Variants in TATDN1 observed in about 807,000 individuals in gnomAD.
TATDN1 encodes the protein TatD DNase domain containing 1.
TATDN1 carries 40 observed loss-of-function variants against 46.4 expected under a neutral mutation model. The ratio of observed to expected loss-of-function variants is 0.86; its 90% CI spans 0.67 to 1.12. The LOEUF is 1.12. TATDN1 is among the 50% of genes most tolerant of loss of function. TATDN1 has a pLI of 0.00. For missense variants in TATDN1, 326 were observed against 348.4 expected, an observed-to-expected ratio of 0.94 and a Z score of 0.51; for synonymous variants, 95 against 105.6, an observed-to-expected ratio of 0.90 and a Z score of 0.62.
intron 10 of TATDN1, chr8:124,495,192 G>C (rs1817360537): frequency 2.4e-6 from 1 of 422,122 alleles, no homozygotes; most frequent in Middle Eastern, 6.5e-4. Context: ...AAGACCCCTT[G>C]TTTAGCTAAG....
intron 9 of TATDN1, among the ~76,000 whole-genome samples, chr8:124,498,565 C>T (rs928484194): frequency 1.3e-5 from 2 of 152,030 alleles, no homozygotes; most frequent in East Asian, 1.9e-4. Context: ...CCAAAGCCCC[C>T]CTATTGGATT....
chr8:124,509,113 A>T (rs1024292470), intron 6 of TATDN1, among the ~76,000 whole-genome samples: 1 of 152,254 alleles, frequency 6.6e-6, no homozygotes, highest in Non-Finnish European at 1.5e-5. Context: ...CTCAAAAATG[A>T]AATCTAAGTA....
At chr8:124,514,801 C>T (rs866047571) in intron 6 of TATDN1, among the ~76,000 whole-genome samples, 3 of 152,198 alleles carry the variant, frequency 2.0e-5, no homozygotes, top group South Asian at 4.1e-4. Flanking sequence ...CCTGCAGGGT[C>T]GTGAGCTTTG....
Position 124,495,518 on chromosome 8 carries a change from C to A in TATDN1, c.618G>T (p.Leu206Phe). The A allele has an allele frequency of 6.2e-7, 1 of 1,605,328 alleles. No homozygotes were observed. The highest frequency in any genetic ancestry group is 1.7e-4 in the Middle Eastern group (1 of 6,038). ...CACTAGGAATTGACTTCAAAACTTC[C>A]AAATTAGCTTCAGTTTTCAGTGAGC... ...NGCSLKTEAN[L>F]EVLKSIPSEK... The change falls in exon 10 of 12, where the codon TTG (leucine) becomes TTT (phenylalanine). Residue 206 changes from leucine to phenylalanine, a missense_variant. Leu to Phe is a conservative substitution (Grantham distance 22, BLOSUM62 0). Coordinates refer to ENST00000276692, the MANE Select transcript of TATDN1 (RefSeq NM_032026.4).
chr8:124,530,451 G>T (rs1017229918), intron 1 of TATDN1, among the ~76,000 whole-genome samples: 1 of 152,212 alleles, frequency 6.6e-6, no homozygotes, highest in Non-Finnish European at 1.5e-5. Flanking sequence ...AAGACAGAGG[G>T]ACAATTGCAA....
chr8:124,488,615 TTTAATAG>T lies in TATDN1; in HGVS notation c.866_872del (p.Thr289LysfsTer23). ...CCAATTATATTCCAGGAAAAAATAC[TTTAATAG>T]TATTGTTATATAGTGTATTGGCTAA... is the stretch of plus-strand genomic sequence containing the variant. On this transcript the variant is annotated frameshift_variant, in exon 12 of 12. Transcript: ENST00000276692. LOFTEE classifies it high-confidence loss of function. 7 of 1,566,576 alleles carry T rather than the reference TTTAATAG, an allele frequency of 4.5e-6. No homozygotes were observed. Among genetic ancestry groups the T allele is most frequent in the Non-Finnish European group, 6.1e-6 (7 of 1,141,530 alleles).
At chr8:124,500,033 T>C (rs892712269) in intron 9 of TATDN1, among the ~76,000 whole-genome samples, 3 of 151,384 alleles carry the variant, frequency 2.0e-5, no homozygotes, top group Admixed American at 6.6e-5. Context: ...TTAGTAGAGA[T>C]GGGGTTTCAC....
chr8:124,509,950 T>TGG, intron 6 of TATDN1, among the ~76,000 whole-genome samples: 1 of 150,290 alleles, frequency 6.7e-6, no homozygotes. Context: ...GAGAATCTCT[T>TGG]GAACCCAGGG....
At chr8:124,521,563 A>G (rs1165621330) in intron 3 of TATDN1, 2 of 152,216 alleles carry the variant, frequency 1.3e-5, no homozygotes, top group African/African-American at 4.8e-5. Flanking sequence ...CAAGTTATTC[A>G]TCTTGGAGGT....
chr8:124,532,631 T>G (rs1821066690), intron 1 of TATDN1, among the ~76,000 whole-genome samples: 1 of 152,176 alleles, frequency 6.6e-6, no homozygotes, highest in Admixed American at 6.5e-5. Flanking sequence ...AAAATCCTCT[T>G]TGTTTCTAGA....
intron 11 of TATDN1, among the ~76,000 whole-genome samples, chr8:124,492,775 T>G (rs1441995171): frequency 7.0e-6 from 1 of 143,308 alleles, no homozygotes; most frequent in African/African-American, 2.6e-5. Context: ...AAAAAAAAGA[T>G]TTAGAAATAC....
intron 9 of TATDN1, among the ~76,000 whole-genome samples, chr8:124,498,401 A>G (rs1030507673): frequency 1.3e-4 from 20 of 150,740 alleles, no homozygotes; most frequent in African/African-American, 3.9e-4. Flanking sequence ...AGTTTTTTCA[A>G]TTTTCTTAAG....
intron 2 of TATDN1, among the ~76,000 whole-genome samples, 162 bp downstream of exon 2, chr8:124,522,775 G>A (rs1820161214): frequency 6.6e-6 from 1 of 152,084 alleles, no homozygotes; most frequent in Non-Finnish European, 1.5e-5. Context: ...GGCTGCTCTT[G>A]AACTCCTGAG....
chr8:124,525,173 T>G (rs1247615215), intron 1 of TATDN1, among the ~76,000 whole-genome samples: 1 of 151,788 alleles, frequency 6.6e-6, no homozygotes, highest in Non-Finnish European at 1.5e-5. Flanking sequence ...TAAGACAGAG[T>G]CTCACCCTAT....
At chr8:124,534,506 T>TG in intron 1 of TATDN1, among the ~76,000 whole-genome samples, 1 of 152,252 alleles carries the variant, frequency 6.6e-6, no homozygotes, top group Admixed American at 6.5e-5. Context: ...TAAGTAGAGA[T>TG]GGGGTCTCAC....
intron 9 of TATDN1, among the ~76,000 whole-genome samples, chr8:124,502,671 G>A (rs956233447): frequency 1.3e-5 from 2 of 152,050 alleles, no homozygotes; most frequent in African/African-American, 4.8e-5. Context: ...TGCAACTGAC[G>A]GAACTATTAG....
At chr8:124,526,348 T>C (rs1255292897) in intron 1 of TATDN1, among the ~76,000 whole-genome samples, 1 of 152,234 alleles carries the variant, frequency 6.6e-6, no homozygotes, top group African/African-American at 2.4e-5. Flanking sequence ...ATAGTATCTT[T>C]TAAATTAAAA....
At chr8:124,515,171 A>G (rs1819356055) in intron 6 of TATDN1, among the ~76,000 whole-genome samples, 1 of 152,214 alleles carries the variant, frequency 6.6e-6, no homozygotes, top group Non-Finnish European at 1.5e-5. Context: ...ATTTGAGGTC[A>G]GGAGTTTGAG....
chr8:124,502,563 G>A (rs1818068140), intron 9 of TATDN1, among the ~76,000 whole-genome samples: 1 of 152,166 alleles, frequency 6.6e-6, no homozygotes, highest in East Asian at 1.9e-4. Context: ...AACATCCTCA[G>A]AGGATGTTAT....
Sources: allele counts gnomAD v4.1 joint callset (sites outside exome capture counted in the v4.1 genomes callset), GRCh38; gene constraint gnomAD v4.1.1; transcripts MANE v1.5; gene names NCBI Gene and HGNC (gene_info 2026-07-23, HGNC 2026-07-21).